Variants in ARHGEF3 observed in about 807,000 individuals in gnomAD.
The protein encoded by ARHGEF3 is 59.8 kDA protein.
A neutral mutation model predicts 63.2 loss-of-function variants in ARHGEF3; 28 were observed. The ratio of observed to expected loss-of-function variants is 0.44; its 90% CI spans 0.33 to 0.61. The LOEUF (loss-of-function observed/expected upper bound fraction) is 0.61. Among genes scored for constraint, ARHGEF3 ranks in the 20% least tolerant of loss-of-function variants. The probability of loss-of-function intolerance (pLI) is 0.03; values close to 1 mark genes in which losing one functional copy is unlikely to be tolerated. For missense variants in ARHGEF3, 533 were observed against 659.3 expected, an observed-to-expected ratio of 0.81 and a Z score of 2.10; for synonymous variants, 266 against 254.2, an observed-to-expected ratio of 1.05 and a Z score of -0.44.
intron 2 of ARHGEF3, among the ~76,000 whole-genome samples, chr3:56,981,696 A>C (rs1701333889): frequency 6.6e-6 from 1 of 152,180 alleles, no homozygotes; most frequent in South Asian, 2.1e-4. Flanking sequence ...TCATTTAGGG[A>C]CTGGAGCACT....
At chr3:56,768,867 T>C (rs1338266138) in intron 2 of ARHGEF3, among the ~76,000 whole-genome samples, 1 of 152,146 alleles carries the variant, frequency 6.6e-6, no homozygotes, top group Non-Finnish European at 1.5e-5. Flanking sequence ...CAAGAGAAAC[T>C]GATCATCCAC....
chr3:56,753,229 T>C (rs1341582746), intron 4 of ARHGEF3, among the ~76,000 whole-genome samples: 1 of 152,238 alleles, frequency 6.6e-6, no homozygotes, highest in African/African-American at 2.4e-5. Context: ...CAATGAAATA[T>C]ACATAAGGCG....
At chr3:56,842,774 G>A (rs2039357541) in intron 4 of ARHGEF3, among the ~76,000 whole-genome samples, 1 of 152,162 alleles carries the variant, frequency 6.6e-6, no homozygotes, top group Admixed American at 6.5e-5. Flanking sequence ...TGATCCCTGA[G>A]CAGGCGCCCC....
At chr3:56,859,792 T>A (rs915411291) in intron 4 of ARHGEF3, among the ~76,000 whole-genome samples, 2 of 149,696 alleles carry the variant, frequency 1.3e-5, no homozygotes, top group Non-Finnish European at 3.0e-5. Flanking sequence ...CCCACCTCGG[T>A]CTCCCAAAGT....
At chr3:56,842,160 G>A (rs1423206636) in intron 4 of ARHGEF3, among the ~76,000 whole-genome samples, 1 of 152,104 alleles carries the variant, frequency 6.6e-6, no homozygotes, top group Non-Finnish European at 1.5e-5. Context: ...CCAACGCCCA[G>A]GCTAATCACA....
intron 2 of ARHGEF3, among the ~76,000 whole-genome samples, chr3:56,959,531 T>C (rs1206077775): frequency 6.6e-6 from 1 of 152,174 alleles, no homozygotes; most frequent in Admixed American, 6.5e-5. Flanking sequence ...CCAATATAAC[T>C]ACAGGAATAC....
intron 1 of ARHGEF3, among the ~76,000 whole-genome samples, chr3:57,059,178 C>T (rs1383100450): frequency 2.0e-5 from 3 of 152,062 alleles, no homozygotes; most frequent in Non-Finnish European, 4.4e-5. Context: ...TGCAATCATA[C>T]TTAACTATGC....
chr3:56,827,420 T>C (rs1454599777), intron 4 of ARHGEF3, among the ~76,000 whole-genome samples: 1 of 152,158 alleles, frequency 6.6e-6, no homozygotes, highest in Non-Finnish European at 1.5e-5. Flanking sequence ...GGTTTAAATC[T>C]CAGCTCTGCC....
rs142382049 is a variant in ARHGEF3 at position 56,906,484 on chromosome 3, C to T, written c.130-24130G>A. Among the ~76,000 whole-genome samples the T allele has an allele frequency of 6.1e-3, 926 of 152,160 alleles. 7 individuals carry two copies. Among genetic ancestry groups the T allele is most frequent in the African/African-American group, 0.021 (878 of 41,500 alleles). ...CTCACTGGATACTAAAGACTTGGTA[C>T]GAAAAAGAGAATGTAAAACATCTTC... On this transcript the variant is annotated intron_variant, in intron 3 of 12. Coordinates refer to the ARHGEF3 transcript ENST00000338458.
chr3:56,949,316 A>G (rs1369944722), intron 3 of ARHGEF3, among the ~76,000 whole-genome samples: 1 of 151,928 alleles, frequency 6.6e-6, no homozygotes, highest in African/African-American at 2.4e-5. Flanking sequence ...AGGCTATTCA[A>G]TTAGGAAAAG....
rs189502458 is a variant in ARHGEF3 at position 56,986,843 on chromosome 3, G to A, written c.63-27954C>T. Among the ~76,000 whole-genome samples the A allele has an allele frequency of 4.0e-5, 6 of 151,766 alleles. No individual in the cohort carries two copies. In the East Asian group the frequency reaches 7.7e-4, roughly 20 times the overall value. On this transcript the variant is annotated intron_variant, in intron 2 of 12. Coordinates refer to the ARHGEF3 transcript ENST00000338458. The stretch of plus-strand genomic sequence containing the variant: ...AAAGATAAAAATAAAAATAGGTCTG[G>A]AGTGATGGTCATAATCTTAATAGTA...
At chr3:56,869,163 A>AG (rs199634731) in intron 4 of ARHGEF3, among the ~76,000 whole-genome samples, 1,869 of 151,998 alleles carry the variant, frequency 0.012, 18 homozygotes, top group Non-Finnish European at 0.019. Flanking sequence ...GAGGAGTTAA[A>AG]AAAAAAAAAG....
intron 3 of ARHGEF3, among the ~76,000 whole-genome samples, chr3:56,921,912 T>C (rs1379331763): frequency 6.6e-6 from 1 of 152,228 alleles, no homozygotes; most frequent in East Asian, 1.9e-4. Flanking sequence ...GTCTCAACGA[T>C]TGCTAGTCAT....
chr3:56,985,125 T>G (rs1465613482), intron 2 of ARHGEF3, among the ~76,000 whole-genome samples: 1 of 152,254 alleles, frequency 6.6e-6, no homozygotes, highest in South Asian at 2.1e-4. Context: ...TCTCACTCTG[T>G]CGCCCAGGCG....
chr3:56,741,171 C>T (rs1035470762), intron 7 of ARHGEF3, among the ~76,000 whole-genome samples: 1 of 148,236 alleles, frequency 6.7e-6, no homozygotes, highest in Admixed American at 6.8e-5. Flanking sequence ...AATCTTATCT[C>T]TCTGCTTTGG....
intron 4 of ARHGEF3, among the ~76,000 whole-genome samples, chr3:56,752,808 G>C (rs2034852746): frequency 1.3e-5 from 2 of 152,286 alleles, no homozygotes; most frequent in East Asian, 3.9e-4. Context: ...AGCTTGGGTG[G>C]CCATCTCTCA....
chr3:56,804,716 A>AT (rs1254526426), upstream of ARHGEF3, among the ~76,000 whole-genome samples: 1 of 152,110 alleles, frequency 6.6e-6, no homozygotes, highest in Non-Finnish European at 1.5e-5. Context: ...AGAACCACTG[A>AT]TTTTTCCTAT....
chr3:56,830,798 C>T (rs1196917904), intron 4 of ARHGEF3, among the ~76,000 whole-genome samples: 1 of 152,198 alleles, frequency 6.6e-6, no homozygotes, highest in Admixed American at 6.5e-5. Context: ...TTTCCTCTGC[C>T]ACCAAATCTC....
chr3:56,849,641 T>A (rs1197711599), intron 4 of ARHGEF3, among the ~76,000 whole-genome samples: 1 of 148,298 alleles, frequency 6.7e-6, no homozygotes, highest in Non-Finnish European at 1.5e-5. Context: ...TAGCCCAAAA[T>A]AGATGGTCCC....
Sources: allele counts gnomAD v4.1 joint callset (sites outside exome capture counted in the v4.1 genomes callset), GRCh38; gene constraint gnomAD v4.1.1; transcripts MANE v1.5; gene names NCBI Gene and HGNC (gene_info 2026-07-23, HGNC 2026-07-21).